Variants in MARCHF1 observed in about 807,000 individuals in gnomAD.
The protein encoded by MARCHF1 is membrane associated ring-CH-type finger 1, also known as E3 ubiquitin-protein ligase MARCHF1.
MARCHF1 carries 40 observed loss-of-function variants against 54.2 expected under a neutral mutation model. That is an observed-to-expected ratio of 0.74 (90% CI 0.57 to 0.96). MARCHF1 has a LOEUF of 0.96. MARCHF1 is among the 40% of genes least tolerant of loss of function. The probability of loss-of-function intolerance (pLI) is 0.00; values close to 1 mark genes in which losing one functional copy is unlikely to be tolerated. For synonymous variants in MARCHF1, 236 were observed against 236.3 expected (o/e 1.00, Z 0.01); for missense variants, 586 against 656.5 (o/e 0.89, Z 1.17).
At chr4:164,190,382 A>G (rs1731092933) in intron 1 of MARCHF1, 1 of 507,336 alleles carries the variant, frequency 2.0e-6, no homozygotes. Flanking sequence ...TGGACTCAGG[A>G]ACTTTCCTTA....
intron 3 of MARCHF1, among the ~76,000 whole-genome samples, chr4:163,929,540 A>G (rs1751608909): frequency 6.6e-6 from 1 of 151,752 alleles, no homozygotes; most frequent in South Asian, 2.1e-4. Flanking sequence ...CCAATTAAGT[A>G]TTTTTTTTCC....
At chr4:163,894,238 T>A (rs1273852586) in intron 3 of MARCHF1, among the ~76,000 whole-genome samples, 1 of 152,060 alleles carries the variant, frequency 6.6e-6, no homozygotes, top group East Asian at 1.9e-4. Flanking sequence ...AGTTTGGCAA[T>A]TTTCCTCTAT....
At chr4:164,313,155 A>G (rs1329450402) in intron 1 of MARCHF1, among the ~76,000 whole-genome samples, 2 of 148,928 alleles carry the variant, frequency 1.3e-5, no homozygotes, top group East Asian at 2.0e-4. Context: ...TGGCTAATTC[A>G]GTGAAACCCC....
chr4:164,165,234 A>G (rs768198572), intron 1 of MARCHF1, among the ~76,000 whole-genome samples: 28 of 152,166 alleles, frequency 1.8e-4, no homozygotes, highest in African/African-American at 6.5e-4. Flanking sequence ...CCAACCCCCA[A>G]TGTGACTATA....
chr4:164,313,140 C>T (rs1164437556), intron 1 of MARCHF1, among the ~76,000 whole-genome samples: 3 of 149,044 alleles, frequency 2.0e-5, no homozygotes, highest in Non-Finnish European at 3.0e-5. Flanking sequence ...AGATCGAGAC[C>T]ATCCTGGCTA....
At chr4:164,313,884 C>T (rs967568534) in intron 1 of MARCHF1, among the ~76,000 whole-genome samples, 1 of 152,172 alleles carries the variant, frequency 6.6e-6, no homozygotes, top group Non-Finnish European at 1.5e-5. Context: ...AAATCCATGA[C>T]TTCTATATCC....
intron 2 of MARCHF1, among the ~76,000 whole-genome samples, chr4:164,046,876 A>C (rs1414720565): frequency 6.6e-6 from 1 of 152,188 alleles, no homozygotes; most frequent in Non-Finnish European, 1.5e-5. Flanking sequence ...GTTTAAGAGA[A>C]AGGAATAACA....
At chr4:163,832,333 C>T (rs891186017) in intron 4 of MARCHF1, among the ~76,000 whole-genome samples, 9 of 152,176 alleles carry the variant, frequency 5.9e-5, no homozygotes, top group African/African-American at 1.9e-4. Context: ...GTGAGTTTTG[C>T]AACCCTTAAT....
chr4:164,361,736 G>T (rs1190809918), intron 1 of MARCHF1, among the ~76,000 whole-genome samples: 1 of 152,054 alleles, frequency 6.6e-6, no homozygotes, highest in Non-Finnish European at 1.5e-5. Context: ...TTTTAAACAT[G>T]TACAATTTTA....
chr4:164,028,898 G>T (rs1243114354), intron 2 of MARCHF1, among the ~76,000 whole-genome samples: 1 of 152,048 alleles, frequency 6.6e-6, no homozygotes. Flanking sequence ...AGCAGGTTGT[G>T]GTCATATAGA....
chr4:164,023,801 A>G (rs1302258141), intron 2 of MARCHF1, among the ~76,000 whole-genome samples: 1 of 152,192 alleles, frequency 6.6e-6, no homozygotes, highest in Non-Finnish European at 1.5e-5. Context: ...ATTGAGAGCC[A>G]AGAGAAAGTT....
At chr4:164,097,203 G>C (rs1346515442) in intron 2 of MARCHF1, among the ~76,000 whole-genome samples, 1 of 152,076 alleles carries the variant, frequency 6.6e-6, no homozygotes, top group Non-Finnish European at 1.5e-5. Flanking sequence ...GTATTTTAAA[G>C]ATCTTGGTAA....
At chr4:164,136,776 G>C (rs1216481312) in intron 1 of MARCHF1, among the ~76,000 whole-genome samples, 1 of 150,812 alleles carries the variant, frequency 6.6e-6, no homozygotes, top group Admixed American at 6.6e-5. Flanking sequence ...CAGAGCATGA[G>C]CAGTCCACCA....
At chr4:163,856,958 T>C (rs1196808852) in intron 3 of MARCHF1, among the ~76,000 whole-genome samples, 2 of 151,808 alleles carry the variant, frequency 1.3e-5, no homozygotes, top group South Asian at 2.1e-4. Flanking sequence ...GAGGTTGTAG[T>C]GAGCTGATGG....
chr4:163,701,161 G>A (rs927676071), intron 4 of MARCHF1, among the ~76,000 whole-genome samples: 3 of 151,846 alleles, frequency 2.0e-5, no homozygotes, highest in Admixed American at 6.6e-5. Flanking sequence ...GAAATTCTTC[G>A]GCACTAAAAT....
chr4:163,652,870 A>T (rs549757029), intron 5 of MARCHF1, among the ~76,000 whole-genome samples: 1 of 152,034 alleles, frequency 6.6e-6, no homozygotes, highest in Non-Finnish European at 1.5e-5. Flanking sequence ...CACTACAGAC[A>T]TATTTATTGA....
chr4:163,612,843 T>G lies in MARCHF1; in HGVS notation c.438A>C (p.Gln146His), dbSNP rs1348569971. The change falls in exon 7 of 10, where the codon CAA becomes CAC. Residue 146 changes from glutamine (Q) to histidine (H), a missense_variant. Gln to His is a conservative substitution (Grantham distance 24). This residue lies in a region of MARCHF1 where 387 missense variants were observed against 394.6 expected (regional missense o/e 0.98). Coordinates refer to ENST00000514618, the MANE Select transcript of MARCHF1 (RefSeq NM_001394959.1). Reference protein sequence around the residue: ...IRGRKNDFHLQISSPRWRELY... With the variant: ...IRGRKNDFHLHISSPRWRELY... ...GCTCCCTCCACCTGGGGCTTGAGAT[T>G]TGAAGGTGAAAGTCATTTTTTCTCC... 2.6e-6 allele frequency: 4 copies of G among 1,535,138 alleles called. No homozygotes were observed. In the African/African-American group the frequency reaches 5.5e-5, roughly 21 times the overall value.
At chr4:164,024,940 T>C (rs1753735566) in intron 2 of MARCHF1, among the ~76,000 whole-genome samples, 1 of 151,640 alleles carries the variant, frequency 6.6e-6, no homozygotes, top group South Asian at 2.1e-4. Flanking sequence ...TCACTATTCT[T>C]ATATCGGATA....
intron 1 of MARCHF1, among the ~76,000 whole-genome samples, chr4:164,357,578 C>T (rs1730598954): frequency 6.6e-6 from 1 of 152,088 alleles, no homozygotes; most frequent in South Asian, 2.1e-4. Context: ...ATTCAGTCTA[C>T]CACACCCATG....
Sources: gnomAD v4.1 joint callset for allele counts (sites outside exome capture counted in the v4.1 genomes callset) on GRCh38, gnomAD v4.1.1 for gene constraint, gnomAD v4.1.1 regional missense constraint, MANE v1.5 for transcripts, NCBI Gene and HGNC (gene_info 2026-07-23, HGNC 2026-07-21) for gene names.